RBFOX1: variants seen among roughly 807,000 people sequenced by gnomAD.
The protein encoded by RBFOX1 is RNA binding fox-1 homolog 1.
Under a neutral mutation model 57.7 loss-of-function variants are expected in RBFOX1, and 8 were observed. That is an observed-to-expected ratio of 0.14 (90% CI 0.08 to 0.25). The LOEUF is 0.25. RBFOX1 is among the 10% of genes least tolerant of loss of function. RBFOX1 has a pLI of 1.00. For synonymous variants in RBFOX1, 326 were observed against 222.4 expected (o/e 1.47, Z -4.15); for missense variants, 611 against 548.5 (o/e 1.11, Z -1.14).
chr16:6,523,976 C>A (rs927543828), intron 2 of RBFOX1, among the ~76,000 whole-genome samples: 4 of 152,060 alleles, frequency 2.6e-5, no homozygotes, highest in Non-Finnish European at 2.9e-5. Flanking sequence ...GGTCTTCATC[C>A]CTCATGCATT....
In RBFOX1 at chr16:5,856,272, T is replaced by TAC. The variant is rs1217302416; in HGVS notation, c.319-11027_319-11026dup. 4.7e-3 allele frequency among the ~76,000 whole-genome samples: 170 copies of TAC among 36,548 alleles called. 10 individuals carry two copies. Among genetic ancestry groups the TAC allele is most frequent in the African/African-American group, 0.015 (162 of 10,810 alleles). 24.0% of individuals were successfully genotyped at this position (36,548 alleles called of 152,430 possible). Reference sequence around the variant, plus strand: ...ATATGTATATATATGTATATATATATACACATATATATACACACACACACA... The same window carrying TAC: ...ATATGTATATATATGTATATATATATACACACATATATATACACACACACACA... On this transcript the variant is annotated intron_variant, in intron 3 of 19. Coordinates refer to the RBFOX1 transcript ENST00000641259.
At chr16:7,386,670 C>G (rs965465161) in intron 4 of RBFOX1, among the ~76,000 whole-genome samples, 1 of 152,006 alleles carries the variant, frequency 6.6e-6, no homozygotes, top group African/African-American at 2.4e-5. Context: ...TTATTGTGAA[C>G]AGTGCCACAG....
chr16:7,589,912 G>GGT (rs3029164), intron 7 of RBFOX1, among the ~76,000 whole-genome samples: 27,738 of 134,810 alleles, frequency 0.21, 2,853 homozygotes, highest in East Asian at 0.29. Context: ...GTGTGTGCTG[G>GGT]GTGTGTGTGT....
At chr16:7,265,477 C>T (rs1439449905) in intron 4 of RBFOX1, among the ~76,000 whole-genome samples, 1 of 151,862 alleles carries the variant, frequency 6.6e-6, no homozygotes, top group African/African-American at 2.4e-5. Flanking sequence ...TAGATGTAGT[C>T]TTGCTCTGTC....
chr16:5,370,060 G>A (rs1364271649), intron 1 of RBFOX1, among the ~76,000 whole-genome samples: 1 of 152,086 alleles, frequency 6.6e-6, no homozygotes, highest in Admixed American at 6.5e-5. Context: ...CACCTACTAT[G>A]TGCTGGGCAC....
chr16:5,548,841 T>C (rs1035695696), intron 2 of RBFOX1, among the ~76,000 whole-genome samples: 1 of 152,028 alleles, frequency 6.6e-6, no homozygotes, highest in East Asian at 1.9e-4. Flanking sequence ...ATTCCATGGA[T>C]GAAGTGAGAG....
chr16:6,780,968 C>A (rs191584655), intron 3 of RBFOX1, among the ~76,000 whole-genome samples: 1 of 151,972 alleles, frequency 6.6e-6, no homozygotes, highest in Non-Finnish European at 1.5e-5. Context: ...TTTGTGGTTG[C>A]CTTTGCTGTG....
intron 4 of RBFOX1, among the ~76,000 whole-genome samples, chr16:7,297,452 C>A (rs2095919791): frequency 6.6e-6 from 1 of 152,062 alleles, no homozygotes; most frequent in Non-Finnish European, 1.5e-5. Flanking sequence ...GACATTGTCC[C>A]TAAGAAGTTA....
intron 3 of RBFOX1, among the ~76,000 whole-genome samples, chr16:5,716,601 T>G (rs939343602): frequency 3.9e-5 from 6 of 152,206 alleles, no homozygotes; most frequent in African/African-American, 1.4e-4. Flanking sequence ...TTATATGCTG[T>G]TGGTAGGAGG....
intron 4 of RBFOX1, among the ~76,000 whole-genome samples, chr16:7,263,840 T>C (rs898183719): frequency 2.7e-5 from 4 of 150,694 alleles, no homozygotes; most frequent in Non-Finnish European, 5.9e-5. Context: ...GCGGAGGTTG[T>C]GGTGAGCTGA....
chr16:7,245,799 T>G (rs1157032647), intron 4 of RBFOX1, among the ~76,000 whole-genome samples: 1 of 152,208 alleles, frequency 6.6e-6, no homozygotes, highest in East Asian at 1.9e-4. Context: ...TGCATAGTGC[T>G]TTAGACAGCA....
intron 3 of RBFOX1, among the ~76,000 whole-genome samples, chr16:5,835,256 C>T (rs2056421908): frequency 6.6e-6 from 1 of 152,140 alleles, no homozygotes; most frequent in Admixed American, 6.5e-5. Context: ...CAATACTCGG[C>T]TGGGCAGGCA....
intron 5 of RBFOX1, among the ~76,000 whole-genome samples, chr16:7,542,717 A>AT (rs2083288157): frequency 6.6e-6 from 1 of 150,806 alleles, no homozygotes; most frequent in African/African-American, 2.4e-5. Flanking sequence ...AAAAAAAAAA[A>AT]AAAGCCAGGC....
At chr16:7,004,031 T>C (rs949166989) in intron 3 of RBFOX1, 1 of 151,792 alleles carries the variant, frequency 6.6e-6, no homozygotes, top group African/African-American at 2.4e-5. Context: ...CTTCACAAAT[T>C]TGCGTGCCAT....
intron 4 of RBFOX1, among the ~76,000 whole-genome samples, chr16:7,174,588 C>T (rs748667295): frequency 2.0e-5 from 3 of 152,148 alleles, no homozygotes; most frequent in Non-Finnish European, 2.9e-5. Context: ...TGAGATTAAC[C>T]TGGTGTAGGT....
chr16:5,563,874 A>C (rs1345804254), intron 2 of RBFOX1, among the ~76,000 whole-genome samples: 1 of 152,096 alleles, frequency 6.6e-6, no homozygotes, highest in Non-Finnish European at 1.5e-5. Flanking sequence ...GTAACCACTA[A>C]CCTGCTGTCT....
intron 1 of RBFOX1, among the ~76,000 whole-genome samples, chr16:5,342,791 G>A (rs2065059484): frequency 6.6e-6 from 1 of 152,166 alleles, no homozygotes; most frequent in Admixed American, 6.5e-5. Flanking sequence ...CAACATGTCA[G>A]CAAAACCATC....
intron 1 of RBFOX1, among the ~76,000 whole-genome samples, chr16:5,334,720 T>A (rs1210034044): frequency 2.0e-5 from 3 of 151,808 alleles, no homozygotes; most frequent in Non-Finnish European, 4.4e-5. Flanking sequence ...AATTATAGGG[T>A]TCATAGGAAT....
chr16:5,360,669 G>A (rs2065522115), intron 1 of RBFOX1, among the ~76,000 whole-genome samples: 1 of 152,238 alleles, frequency 6.6e-6, no homozygotes. Context: ...ATGTGAGGAA[G>A]AAGAGGGCTT....
Sources: gnomAD v4.1 joint callset for allele counts (sites outside exome capture counted in the v4.1 genomes callset) on GRCh38, gnomAD v4.1.1 for gene constraint, MANE v1.5 for transcripts, NCBI Gene and HGNC (gene_info 2026-07-23, HGNC 2026-07-21) for gene names.